The following ALOX12B variants were observed in gnomAD, a reference collection of about 807,000 sequenced individuals.
ALOX12B encodes the protein arachidonate 12-lipoxygenase, 12R-type.
In ALOX12B, 47 loss-of-function variants were observed where a neutral mutation model predicts 78.9. That is an observed-to-expected ratio of 0.60 (90% confidence interval 0.47 to 0.76). ALOX12B has a LOEUF of 0.76. ALOX12B is among the 30% of genes least tolerant of loss of function. The probability of loss-of-function intolerance (pLI) is 0.00; values close to 1 mark genes in which losing one functional copy is unlikely to be tolerated. For synonymous variants in ALOX12B, 370 were observed against 374.5 expected (o/e 0.99, Z 0.14); for missense variants, 805 against 922.6 (o/e 0.87, Z 1.65).
chr17:8,081,203 G>T lies in ALOX12B; in HGVS notation c.353-16C>A, dbSNP rs375071590. ...GTTGTCTTTCCTGTAGGGAGACCAA[G>T]GAGAGGACTCAAGGGCTGACCCTTG... On this transcript the variant is annotated splice_polypyrimidine_tract_variant and intron_variant, in intron 2 of 14. Transcript: ENST00000647874. 8.1e-6 allele frequency: 13 copies of T among 1,613,028 alleles called. No individual in the cohort carries two copies. The African/African-American group carries it at 1.6e-4, about 20-fold the overall frequency.
Position 8,079,839 on chromosome 17 carries a change from T to G in ALOX12B, c.857A>C (p.Lys286Thr), listed in dbSNP as rs1288552418. The stretch of plus-strand genomic sequence containing the variant: ...CACCATGTCGTCTGTGACGGGGAAC[T>G]TGTCTGGGATCCGCGTGCAGCGGCG... ...LIRRCTRIPD[K>T]FPVTDDMVAP... Residue 286 changes from lysine to threonine, a missense_variant, in exon 7 of 15, where the codon AAG becomes ACG. By Grantham distance (78) the Lys-to-Thr change is moderately conservative (BLOSUM62 -1). Coordinates refer to ENST00000647874, the MANE Select transcript of ALOX12B (RefSeq NM_001139.3). This position sits in a 1 kb window ranked among gnomAD's most constrained non-coding sequence, Gnocchi z 6.4. 6.2e-7 allele frequency: 1 copy of G among 1,613,432 alleles called. No homozygotes were observed. The highest frequency in any genetic ancestry group is 8.5e-7 in the Non-Finnish European group (1 of 1,179,946).
rs767715541 is a variant in ALOX12B at position 8,073,768 on chromosome 17, G to A, written c.1655-11C>T. 2 of 1,611,760 alleles carry A rather than the reference G, an allele frequency of 1.2e-6. No individual in the cohort carries two copies. The highest frequency in any genetic ancestry group is 1.7e-5 in the Admixed American group (1 of 59,906). On this transcript the variant is annotated splice_polypyrimidine_tract_variant and intron_variant, in intron 12 of 14. Coordinates refer to ENST00000647874, the MANE Select transcript of ALOX12B (RefSeq NM_001139.3). ...AGCACCTAGGGAAGCCTGACCGGCG[G>A]GGGAAAAGCCCAGGCGACATCAGTC...
At chr17:8,086,417 C>T (rs1342893155) in intron 1 of ALOX12B, among the ~76,000 whole-genome samples, 197 bp from the exon 2 acceptor site, 2 of 152,174 alleles carry the variant, frequency 1.3e-5, no homozygotes, top group Admixed American at 1.3e-4. Flanking sequence ...CTACTGGATT[C>T]CTCTACCCAG....
intron 2 of ALOX12B, 139 bp downstream of exon 2, chr17:8,085,877 A>C: frequency 1.0e-6 from 1 of 974,780 alleles, no homozygotes; most frequent in Non-Finnish European, 1.6e-6. Flanking sequence ...AATGTGTGAC[A>C]GTGGCAGGAG....
At position 8,072,996 on chromosome 17, in the gene ALOX12B, C is replaced by G. The variant is rs189635761; in HGVS notation, c.1927-46G>C. The stretch of plus-strand genomic sequence containing the variant: ...AGCTGGGACCAGGGCCGGCCAGCAC[C>G]CCCTCCTCCTGCCGGTGGCCCTGGC... On this transcript the variant is annotated intron_variant, in intron 14 of 14. Coordinates refer to ENST00000647874, the MANE Select transcript of ALOX12B (RefSeq NM_001139.3). 4 of 1,596,598 alleles carry G rather than the reference C, an allele frequency of 2.5e-6. No homozygotes were observed. The African/African-American group carries it at 5.4e-5, about 21-fold the overall frequency.
In ALOX12B at chr17:8,087,245, C is replaced by CAG. The variant is rs1555644057; in HGVS notation, c.147+50_147+51insCT. ...ACACACAGACACACACAGACACACA[C>CAG]ACACACACACACAGACACACACACA... On this transcript the variant is annotated intron_variant, in intron 1 of 14. Coordinates refer to ENST00000647874, the MANE Select transcript of ALOX12B (RefSeq NM_001139.3). 1,204 of 1,416,376 alleles carry CAG rather than the reference C, an allele frequency of 8.5e-4. 2 individuals are homozygous for CAG. Among genetic ancestry groups the CAG allele is most frequent in the Admixed American group, 3.3e-3 (155 of 47,540 alleles). 87.7% of individuals were successfully genotyped at this position (1,416,376 alleles called of 1,614,324 possible). A position where few individuals can be genotyped will look rare whatever the true frequency, so the allele number is the denominator to read the frequency against.
chr17:8,073,422 C>A, intron 13 of ALOX12B, 104 bp from the exon 14 acceptor site: 1 of 1,500,446 alleles, frequency 6.7e-7, no homozygotes, highest in East Asian at 2.3e-5. Flanking sequence ...ATGGACTCCC[C>A]GCCCTTGGCG....
At position 8,076,934 on chromosome 17, in the gene ALOX12B, G is replaced by A. The variant is rs190488954; in HGVS notation, c.1275+56C>T. On this transcript the variant is annotated intron_variant, in intron 9 of 14. Coordinates refer to ENST00000647874, the MANE Select transcript of ALOX12B (RefSeq NM_001139.3). ...CTGCTCAGTGGGCCTGGGGGTTTTC[G>A]GAGGCCAGGTGAGGGCCATGATGCC... 1.4e-4 allele frequency: 221 copies of A among 1,569,198 alleles called. 1 individual carries two copies. The highest frequency in any genetic ancestry group is 3.7e-4 in the South Asian group (32 of 87,298).
chr17:8,083,001 C>G (rs977724137), intron 2 of ALOX12B, among the ~76,000 whole-genome samples: 3 of 152,170 alleles, frequency 2.0e-5, no homozygotes, highest in Non-Finnish European at 4.4e-5. Context: ...TGTTCCACAA[C>G]AAATTCATTG....
rs1234582197 is a variant in ALOX12B at position 8,079,016 on chromosome 17, G to A, written c.1071+380C>T. Among the ~76,000 whole-genome samples the A allele has an allele frequency of 2.0e-5, 3 of 150,482 alleles. No homozygotes were observed. The East Asian group carries it at 6.0e-4, about 30-fold the overall frequency. On this transcript the variant is annotated intron_variant, in intron 8 of 14. Coordinates refer to ENST00000647874, the MANE Select transcript of ALOX12B (RefSeq NM_001139.3). The surrounding 1 kb of genome is among the most constrained non-coding windows in gnomAD (Gnocchi z 6.4). ...GGGTTCACGCCATTTTCCTGCCTCAGCCTCCCGAGTAGCTGGGACTACAGG... is the reference window on the plus strand; with the variant it reads ...GGGTTCACGCCATTTTCCTGCCTCAACCTCCCGAGTAGCTGGGACTACAGG...
In ALOX12B at chr17:8,075,676, C is replaced by T. The variant is rs367693196; in HGVS notation, c.1573G>A (p.Ala525Thr). ...AATTCCGGATCACCCTCCACGGCTGCGTCACTCGGGTAATAATAGGTGATG... is the reference window on the plus strand; with the variant it reads ...AATTCCGGATCACCCTCCACGGCTGTGTCACTCGGGTAATAATAGGTGATG... ...EIITYYYPSDAAVEGDPELQS... is the reference protein window; with the variant it reads ...EIITYYYPSDTAVEGDPELQS... The change falls in exon 12 of 15, where the codon GCA becomes ACA. Residue 525 changes from alanine (A) to threonine (T), a missense_variant. By Grantham distance (58) the Ala-to-Thr change is moderately conservative. Transcript: ENST00000647874. The T allele has an allele frequency of 6.2e-6, 10 of 1,614,050 alleles. 1 individual carries two copies. The highest frequency in any genetic ancestry group is 3.3e-5 in the South Asian group (3 of 91,080).
In ALOX12B at chr17:8,077,183, G is replaced by T. The variant is rs1313671943; in HGVS notation, c.1082C>A (p.Thr361Asn). ...GAAGATGGGGCAATCTGGCCCAGGG[G>T]TCTGGCTGAGCTAGGTGTGGTGAAA... Reference protein sequence around the residue: ...MMPIAIQLSQTPGPDCPIFLP... With the variant: ...MMPIAIQLSQNPGPDCPIFLP... The change falls in exon 9 of 15, where the codon ACC (threonine) becomes AAC (asparagine). Residue 361 changes from threonine (T) to asparagine (N), a missense_variant. Transcript: ENST00000647874. The T allele has an allele frequency of 1.2e-6, 2 of 1,611,922 alleles. No individual in the cohort carries two copies. Among genetic ancestry groups the T allele is most frequent in the Non-Finnish European group, 1.7e-6 (2 of 1,179,164 alleles).
At chr17:8,075,751 C>T (rs762333932) in intron 11 of ALOX12B, 35 bp from the exon 12 acceptor site, 85 of 1,613,984 alleles carry the variant, frequency 5.3e-5, no homozygotes, top group Non-Finnish European at 7.1e-5. Context: ...TTGGATCCTC[C>T]TCCCCTCCCA....
In ALOX12B at chr17:8,080,537, C is replaced by T; in HGVS notation, c.650+121G>A. ...TCTCAGGTTTTCTGGGTCTGCGTTT[C>T]AGCTCCCTCTGCCTTCCTGGCCATT... On this transcript the variant is annotated intron_variant, in intron 5 of 14. Coordinates refer to ENST00000647874, the MANE Select transcript of ALOX12B (RefSeq NM_001139.3). The surrounding 1 kb of genome is among the most constrained non-coding windows in gnomAD (Gnocchi z 4.8). 1 of 1,522,814 alleles carries T rather than the reference C, an allele frequency of 6.6e-7. No individual in the cohort carries two copies. The highest frequency in any genetic ancestry group is 9.0e-7 in the Non-Finnish European group (1 of 1,108,740). 94.3% of individuals were successfully genotyped at this position (1,522,814 alleles called of 1,614,324 possible).
At chr17:8,075,564 C>T (rs1977060502) in intron 12 of ALOX12B, 31 bp downstream of exon 12, 1 of 1,613,666 alleles carries the variant, frequency 6.2e-7, no homozygotes, top group Non-Finnish European at 8.5e-7. Context: ...GTCCCAGCTC[C>T]CCCTGATTGC....
chr17:8,077,881 A>C lies in ALOX12B; in HGVS notation c.1072-688T>G, dbSNP rs1977120532. Among the ~76,000 whole-genome samples, 5 of 152,194 alleles carry C rather than the reference A, an allele frequency of 3.3e-5. No individual in the cohort carries two copies. In the South Asian group the frequency reaches 1.0e-3, roughly 31 times the overall value. ...CATGCACACACTCACAGATGCACAC[A>C]CATAGGGGCATACAAGTACAGCTGG... On this transcript the variant is annotated intron_variant, in intron 8 of 14. Coordinates refer to ENST00000647874, the MANE Select transcript of ALOX12B (RefSeq NM_001139.3).
At position 8,080,155 on chromosome 17, in the gene ALOX12B, G is replaced by T; in HGVS notation, c.754+80C>A. 6.5e-7 allele frequency: 1 copy of T among 1,534,716 alleles called. No homozygotes were observed. The highest frequency in any genetic ancestry group is 9.0e-7 in the Non-Finnish European group (1 of 1,108,308). ...GCCTCGCTGCCTCTCCCGTCCCACTGCCCCGAAGTCGGGGGCCTGCCTAGC... is the reference window on the plus strand; with the variant it reads ...GCCTCGCTGCCTCTCCCGTCCCACTTCCCCGAAGTCGGGGGCCTGCCTAGC... On this transcript the variant is annotated intron_variant, in intron 6 of 14. Coordinates refer to ENST00000647874, the MANE Select transcript of ALOX12B (RefSeq NM_001139.3). This position sits in a 1 kb window ranked among gnomAD's most constrained non-coding sequence, Gnocchi z 4.8.
chr17:8,075,109 A>AC (rs35200709), intron 12 of ALOX12B, among the ~76,000 whole-genome samples: 129,042 of 152,136 alleles, frequency 0.85, 55,039 homozygotes, highest in African/African-American at 0.94. Flanking sequence ...CACCTTCACC[A>AC]CTGTCTTTTT....
chr17:8,082,708 T>G (rs570018692), intron 2 of ALOX12B, among the ~76,000 whole-genome samples: 1 of 152,300 alleles, frequency 6.6e-6, no homozygotes, highest in African/African-American at 2.4e-5. Flanking sequence ...AGACCAGAAC[T>G]CTGGGCCTTT....
Sources: allele counts gnomAD v4.1 joint callset (sites outside exome capture counted in the v4.1 genomes callset), GRCh38; gene constraint gnomAD v4.1.1; non-coding constraint Gnocchi (gnomAD v3.1); transcripts MANE v1.5; gene names NCBI Gene and HGNC (gene_info 2026-07-23, HGNC 2026-07-21).